Variants in PADI3 observed in about 807,000 individuals in gnomAD.
PADI3 encodes protein-arginine deiminase type-3.
A neutral mutation model predicts 71.5 loss-of-function variants in PADI3; 53 were observed. The ratio of observed to expected loss-of-function variants is 0.74; its 90% CI spans 0.59 to 0.93. PADI3 has a LOEUF of 0.93. Ranked by LOEUF, PADI3 falls within the 40% of genes least tolerant of loss-of-function variation. The probability of loss-of-function intolerance (pLI) is 0.00; values close to 1 mark genes in which losing one functional copy is unlikely to be tolerated. For synonymous variants in PADI3, 361 were observed against 347.5 expected, an observed-to-expected ratio of 1.04 and a Z score of -0.43; for missense variants, 821 against 868.0, an observed-to-expected ratio of 0.95 and a Z score of 0.68.
intron 7 of PADI3, 147 bp from the exon 8 acceptor site, chr1:17,270,732 C>T: frequency 1.5e-6 from 1 of 655,094 alleles, no homozygotes. Flanking sequence ...GTGAAAGACC[C>T]CAGACTTCTT....
intron 2 of PADI3, among the ~76,000 whole-genome samples, chr1:17,260,824 A>G (rs538188445): frequency 6.6e-6 from 1 of 152,312 alleles, no homozygotes; most frequent in Non-Finnish European, 1.5e-5. Context: ...GTAGTGCAAG[A>G]GGACTGGCCA....
chr1:17,259,930 T>C (rs1000810154), intron 2 of PADI3, among the ~76,000 whole-genome samples, 172 bp downstream of exon 2: 1 of 152,216 alleles, frequency 6.6e-6, no homozygotes, highest in African/African-American at 2.4e-5. Flanking sequence ...TACAGACACA[T>C]ACCATGTGTC....
chr1:17,274,858 AG>A, intron 11 of PADI3, 72 bp downstream of exon 11: 1 of 1,461,816 alleles, frequency 6.8e-7, no homozygotes, highest in Non-Finnish European at 9.4e-7. Context: ...ATGGTGGAGC[AG>A]GGGCCATTGC....
chr1:17,254,873 C>A (rs145029888), intron 1 of PADI3, among the ~76,000 whole-genome samples: 1 of 152,224 alleles, frequency 6.6e-6, no homozygotes, highest in East Asian at 1.9e-4. Context: ...TATGCCACCA[C>A]GCCCGGCTAG....
chr1:17,271,209 A>G (rs1482462219), intron 9 of PADI3, 31 bp downstream of exon 9: 1 of 1,582,856 alleles, frequency 6.3e-7, no homozygotes, highest in Non-Finnish European at 8.7e-7. Context: ...GGGCCCAGCA[A>G]GGACGCCATC....
intron 9 of PADI3, among the ~76,000 whole-genome samples, chr1:17,272,232 G>C (rs1020270159): frequency 6.6e-6 from 1 of 152,178 alleles, no homozygotes. Context: ...ATGCGCAAAG[G>C]CCCGGGGGTG....
intron 3 of PADI3, among the ~76,000 whole-genome samples, chr1:17,265,303 G>T (rs950531208): frequency 3.9e-5 from 6 of 152,028 alleles, no homozygotes; most frequent in African/African-American, 4.8e-5. Context: ...CAAAGTCCAG[G>T]CTTGCTACCC....
At chr1:17,270,197 C>G in intron 6 of PADI3, 36 bp from the exon 7 acceptor site, 1 of 1,582,948 alleles carries the variant, frequency 6.3e-7, no homozygotes, top group South Asian at 1.2e-5. Flanking sequence ...CCTGGGCCCA[C>G]AGGGAGTCAC....
chr1:17,267,980 C>T lies in PADI3; in HGVS notation c.652+18C>T, dbSNP rs777100134. On this transcript the variant is annotated intron_variant, in intron 6 of 15. Transcript: ENST00000375460. ...CATCTGCGGTGAGTTTGTGCCACTG[C>T]CCCTTGCCATCTGTGCCCTGTTGCC... 6.2e-7 allele frequency: 1 copy of T among 1,613,582 alleles called. No individual in the cohort carries two copies. The highest frequency in any genetic ancestry group is 1.7e-5 in the Admixed American group (1 of 60,026).
intron 2 of PADI3, among the ~76,000 whole-genome samples, chr1:17,261,652 C>T (rs1434276347): frequency 6.6e-6 from 1 of 152,212 alleles, no homozygotes; most frequent in Non-Finnish European, 1.5e-5. Flanking sequence ...GAGGTAGAGA[C>T]CTATAGAGGT....
Position 17,274,751 on chromosome 1 carries a change from C to T in PADI3, c.1272C>T (p.Pro424=). ...PPVVANGKEY[P]LGRILIGGNL... ...TGGTGGCCAATGGGAAAGAGTACCC[C>T]CTGGGGAGGATCCTCATTGGGGGCA... The change falls in exon 11 of 16, where the codon CCC becomes CCT. Residue 424 remains proline, a synonymous_variant. Transcript: ENST00000375460. The T allele has an allele frequency of 6.2e-7, 1 of 1,613,908 alleles. No individual in the cohort carries two copies. The highest frequency in any genetic ancestry group is 8.5e-7 in the Non-Finnish European group (1 of 1,179,902).
Position 17,276,519 on chromosome 1 carries a change from G to GGTCCCACTTTTAACC in PADI3, c.1308_1309insGTCCCACTTTTAACC (p.Gly436_Ser437insValProLeuLeuThr), listed in dbSNP as rs2073332446. The GGTCCCACTTTTAACC allele has an allele frequency of 1.2e-6, 2 of 1,613,798 alleles. No individual in the cohort carries two copies. Among genetic ancestry groups the GGTCCCACTTTTAACC allele is most frequent in the Admixed American group, 3.3e-5 (2 of 59,966 alleles). ...TTTTTTTTAACCTCGTGGGTCCCAG[G>GGTCCCACTTTTAACC]TCAAGTGGCCGCAGGGTCACCCAGG... is the stretch of plus-strand genomic sequence containing the variant. On this transcript the variant is annotated inframe_insertion and splice_region_variant, in exon 12 of 16. Transcript: ENST00000375460.
At chr1:17,276,988 A>G in intron 13 of PADI3, 112 bp downstream of exon 13, 1 of 838,918 alleles carries the variant, frequency 1.2e-6, no homozygotes, top group Non-Finnish European at 1.9e-6. Context: ...GTGTGTCCCC[A>G]AATTCAGGGC....
Position 17,259,691 on chromosome 1 carries a change from G to T in PADI3, c.206G>T (p.Arg69Leu), listed in dbSNP as rs150292444. The T allele has an allele frequency of 6.2e-7, 1 of 1,613,494 alleles. No homozygotes were observed. The change falls in exon 2 of 16, where the codon CGC becomes CTC. Residue 69 changes from arginine (R) to leucine (L), a missense_variant. Coordinates refer to ENST00000375460, the MANE Select transcript of PADI3 (RefSeq NM_016233.2). ...GAGCGTGCAGACACCAGGCGGTGGC[G>T]CTTTGACGCGACTTTGGAGATCATC... is the stretch of plus-strand genomic sequence containing the variant. ...GRERADTRRW[R>L]FDATLEIIVV...
At chr1:17,268,461 CT>C (rs946880579) in intron 6 of PADI3, among the ~76,000 whole-genome samples, 5 of 145,418 alleles carry the variant, frequency 3.4e-5, no homozygotes, top group African/African-American at 1.3e-4. Flanking sequence ...ATCTAAATGC[CT>C]TTGAGAAACT....
intron 14 of PADI3, 39 bp from the exon 15 acceptor site, chr1:17,280,632 G>A: frequency 6.2e-7 from 1 of 1,613,586 alleles, no homozygotes; most frequent in Non-Finnish European, 8.5e-7. Flanking sequence ...AAAACACACT[G>A]GCAAGGTGTC....
intron 3 of PADI3, among the ~76,000 whole-genome samples, chr1:17,262,553 A>C (rs3003427): frequency 0.88 from 133,814 of 152,126 alleles, 58,980 homozygotes; most frequent in South Asian, 0.95. Flanking sequence ...GCAAAGTAAT[A>C]GTGATTAATA....
At position 17,283,708 on chromosome 1, in the gene PADI3, A is replaced by T. The variant is rs2073434439; in HGVS notation, c.*629A>T. 6.6e-6 allele frequency: 1 copy of T among 152,418 alleles called. No individual in the cohort carries two copies. Among genetic ancestry groups the T allele is most frequent in the Non-Finnish European group, 1.5e-5 (1 of 68,212 alleles). 9.4% of individuals were successfully genotyped at this position (152,418 alleles called of 1,614,324 possible). On this transcript the variant is annotated 3_prime_UTR_variant, in exon 16 of 16. Transcript: ENST00000375460. ...GGAGCTTCTAGATGCATGTGGAAGCAATGAGAGTTGTCCCTTAGCCTTATA... is the reference window on the plus strand; with the variant it reads ...GGAGCTTCTAGATGCATGTGGAAGCTATGAGAGTTGTCCCTTAGCCTTATA...
At chr1:17,263,768 C>T (rs1198499761) in intron 3 of PADI3, among the ~76,000 whole-genome samples, 1 of 152,070 alleles carries the variant, frequency 6.6e-6, no homozygotes, top group Non-Finnish European at 1.5e-5. Flanking sequence ...TGAAGAACTC[C>T]AATCAATAAG....
Sources: gnomAD v4.1 joint callset for allele counts (sites outside exome capture counted in the v4.1 genomes callset) on GRCh38, gnomAD v4.1.1 for gene constraint, MANE v1.5 for transcripts, NCBI Gene and HGNC (gene_info 2026-07-23, HGNC 2026-07-21) for gene names.